Variants in ANKS1B observed in about 807,000 individuals in gnomAD.
ANKS1B encodes ankyrin repeat and sterile alpha motif domain-containing protein 1B.
In ANKS1B, 36 loss-of-function variants were observed where a neutral mutation model predicts 148.3. That is an observed-to-expected ratio of 0.24 (90% CI 0.19 to 0.32). ANKS1B has a LOEUF of 0.32. Ranked by LOEUF, ANKS1B falls within the 10% of genes least tolerant of loss-of-function variation. ANKS1B has a pLI of 1.00. For synonymous variants in ANKS1B, 542 were observed against 560.8 expected, an observed-to-expected ratio of 0.97 and a Z score of 0.47; for missense variants, 1,157 against 1,542.6, an observed-to-expected ratio of 0.75 and a Z score of 4.19.
At chr12:98,906,412 T>C (rs2099779134) in intron 17 of ANKS1B, among the ~76,000 whole-genome samples, 1 of 152,200 alleles carries the variant, frequency 6.6e-6, no homozygotes. Flanking sequence ...GGAGGGCGTG[T>C]GACCGAGAGC....
chr12:99,726,904 A>G (rs2058672407), intron 8 of ANKS1B, among the ~76,000 whole-genome samples: 1 of 152,194 alleles, frequency 6.6e-6, no homozygotes, highest in South Asian at 2.1e-4. Flanking sequence ...GATTATCTCA[A>G]TAGATGCAGA....
intron 17 of ANKS1B, among the ~76,000 whole-genome samples, chr12:98,883,032 G>C (rs1170761809): frequency 6.6e-6 from 1 of 152,122 alleles, no homozygotes; most frequent in African/African-American, 2.4e-5. Context: ...ACAGACAAAG[G>C]AATTTCAACC....
At chr12:99,551,622 A>G (rs969542869) in intron 9 of ANKS1B, among the ~76,000 whole-genome samples, 7 of 150,636 alleles carry the variant, frequency 4.6e-5, no homozygotes, top group African/African-American at 1.7e-4. Context: ...GAGGAGCAGA[A>G]AAGACTTCAG....
intron 10 of ANKS1B, among the ~76,000 whole-genome samples, chr12:99,500,015 A>G (rs909328891): frequency 4.6e-5 from 7 of 152,174 alleles, no homozygotes; most frequent in Non-Finnish European, 8.8e-5. Flanking sequence ...TGGAAGCCTT[A>G]AAAGCTATAA....
rs532903668 is a variant in ANKS1B at position 99,481,876 on chromosome 12, G to A, written c.1438+22600C>T. On this transcript the variant is annotated intron_variant, in intron 10 of 26. Transcript: ENST00000683438. ...TCAAGTTTTTGAAGGAATTATTTGC[G>A]GGTTTTTTGTTTTTTGTTTTTTCTG... is the stretch of plus-strand genomic sequence containing the variant. 8.6e-5 allele frequency among the ~76,000 whole-genome samples: 13 copies of A among 151,512 alleles called. No homozygotes were observed. In the East Asian group the frequency reaches 1.9e-3, roughly 23 times the overall value.
intron 15 of ANKS1B, among the ~76,000 whole-genome samples, chr12:99,123,822 G>T (rs1247582911): frequency 1.3e-5 from 2 of 152,160 alleles, no homozygotes; most frequent in Non-Finnish European, 2.9e-5. Flanking sequence ...ATTAGATGGT[G>T]CCCACCCAGA....
chr12:99,615,912 A>C (rs941841941), intron 9 of ANKS1B, among the ~76,000 whole-genome samples: 1 of 151,796 alleles, frequency 6.6e-6, no homozygotes, highest in Non-Finnish European at 1.5e-5. Flanking sequence ...TCAGCCCAAA[A>C]ACTTAAGCTG....
chr12:99,699,507 G>C (rs2054473598), intron 8 of ANKS1B, among the ~76,000 whole-genome samples: 1 of 152,038 alleles, frequency 6.6e-6, no homozygotes, highest in African/African-American at 2.4e-5. Context: ...CAATAATAAT[G>C]CATTATGCAC....
chr12:98,781,413 G>T, intron 23 of ANKS1B: 1 of 644,300 alleles, frequency 1.6e-6, no homozygotes, highest in Non-Finnish European at 2.9e-6. Flanking sequence ...TATACTTCGG[G>T]CTTATAAAGT....
At chr12:99,676,305 G>C (rs557652344) in intron 8 of ANKS1B, among the ~76,000 whole-genome samples, 1 of 151,970 alleles carries the variant, frequency 6.6e-6, no homozygotes, top group African/African-American at 2.4e-5. Flanking sequence ...TAATACACTC[G>C]CATATATAAA....
At position 99,984,191 on chromosome 12, in the gene ANKS1B, A is replaced by C. The variant is rs369625121; in HGVS notation, c.47T>G (p.Val16Gly). The change falls in exon 1 of 27, where the codon GTG becomes GGG. Residue 16 changes from valine to glycine, a missense_variant. This residue lies in a region of ANKS1B where 164 missense variants were observed against 232.6 expected (regional missense o/e 0.71). Transcript: ENST00000683438. The stretch of plus-strand genomic sequence containing the variant: ...AGACAGGAGTTTCTCCACCAGAGCC[A>C]CATTTCCAGTGCGAGCAGCTTCCAG... ...ELLEAARTGN[V>G]ALVEKLLSGR... 9 of 1,613,856 alleles carry C rather than the reference A, an allele frequency of 5.6e-6. No individual in the cohort carries two copies. Among genetic ancestry groups the C allele is most frequent in the Non-Finnish European group, 7.6e-6 (9 of 1,179,842 alleles).
At chr12:99,293,531 T>C in intron 12 of ANKS1B, among the ~76,000 whole-genome samples, 1 of 152,112 alleles carries the variant, frequency 6.6e-6, no homozygotes, top group East Asian at 1.9e-4. Context: ...CAAATCAAAA[T>C]GGATTAAAGA....
At chr12:99,199,299 A>G (rs568517625) in intron 14 of ANKS1B, among the ~76,000 whole-genome samples, 2 of 152,342 alleles carry the variant, frequency 1.3e-5, no homozygotes, top group South Asian at 2.1e-4. Context: ...GCAATAGATA[A>G]CTAGTATTCT....
At chr12:99,712,354 A>G (rs2056757131) in intron 8 of ANKS1B, among the ~76,000 whole-genome samples, 2 of 152,150 alleles carry the variant, frequency 1.3e-5, no homozygotes, top group Non-Finnish European at 2.9e-5. Context: ...TACCATAAAC[A>G]CACATCACAA....
intron 4 of ANKS1B, among the ~76,000 whole-genome samples, chr12:99,799,325 C>A (rs1453556568): frequency 2.0e-5 from 3 of 152,062 alleles, no homozygotes; most frequent in African/African-American, 7.2e-5. Context: ...CTCATGGCTT[C>A]ATCTCTTACT....
chr12:99,079,140 C>T (rs1047485034), intron 16 of ANKS1B, among the ~76,000 whole-genome samples: 2 of 152,180 alleles, frequency 1.3e-5, no homozygotes, highest in Non-Finnish European at 2.9e-5. Flanking sequence ...ACAGCTGTAG[C>T]TGTCTGAAAG....
intron 10 of ANKS1B, among the ~76,000 whole-genome samples, chr12:99,503,983 C>A (rs1396518515): frequency 2.0e-5 from 3 of 152,128 alleles, no homozygotes; most frequent in African/African-American, 7.2e-5. Context: ...ATTTCTTTAT[C>A]AGCAAAATAG....
At chr12:99,527,111 T>G (rs2096934199) in intron 9 of ANKS1B, among the ~76,000 whole-genome samples, 1 of 152,156 alleles carries the variant, frequency 6.6e-6, no homozygotes, top group Non-Finnish European at 1.5e-5. Flanking sequence ...AATTTTGAAC[T>G]TCTAGCCTTT....
chr12:99,010,047 A>G (rs1484069568), intron 17 of ANKS1B, among the ~76,000 whole-genome samples: 1 of 152,136 alleles, frequency 6.6e-6, no homozygotes, highest in African/African-American at 2.4e-5. Context: ...GAGACGTGGG[A>G]GGATCTCAAA....
Sources: gnomAD v4.1 joint callset for allele counts (sites outside exome capture counted in the v4.1 genomes callset) on GRCh38, gnomAD v4.1.1 for gene constraint, gnomAD v4.1.1 regional missense constraint, MANE v1.5 for transcripts, NCBI Gene and HGNC (gene_info 2026-07-23, HGNC 2026-07-21) for gene names.